The following ZFYVE9 variants were observed in gnomAD, a reference collection of about 807,000 sequenced individuals.
ZFYVE9 encodes the protein zinc finger FYVE-type containing 9, also known as zinc finger FYVE domain-containing protein 9.
In ZFYVE9, 43 loss-of-function variants were observed where a neutral mutation model predicts 126.7. That is an observed-to-expected ratio of 0.34 (90% CI 0.27 to 0.44). ZFYVE9 has a LOEUF of 0.44. ZFYVE9 is among the 20% of genes least tolerant of loss of function. The pLI is 1.00. For missense variants in ZFYVE9, 1,476 were observed against 1,697.0 expected (o/e 0.87, Z 2.29); for synonymous variants, 521 against 597.4 (o/e 0.87, Z 1.87).
intron 7 of ZFYVE9, among the ~76,000 whole-genome samples, chr1:52,272,612 G>A (rs1645703391): frequency 6.6e-6 from 1 of 151,324 alleles, no homozygotes; most frequent in Non-Finnish European, 1.5e-5. Context: ...CCTGTTAGTG[G>A]CCATTCAAAT....
At position 52,274,723 on chromosome 1, in the gene ZFYVE9, G is replaced by A. The variant is rs554652536; in HGVS notation, c.2746+139G>A. 24 of 914,980 alleles carry A rather than the reference G, an allele frequency of 2.6e-5. No individual in the cohort carries two copies. In the African/African-American group the frequency reaches 3.9e-4, roughly 15 times the overall value. 56.7% of individuals were successfully genotyped at this position (914,980 alleles called of 1,614,324 possible). ...CAAACTCCCCCAAAACTATGAAAAT[G>A]GTTGTTGCTGTTATTATTTTAGAGT... On this transcript the variant is annotated intron_variant, in intron 8 of 18. Transcript: ENST00000287727.
intron 13 of ZFYVE9, among the ~76,000 whole-genome samples, chr1:52,314,784 C>CT (rs769744912): frequency 2.6e-5 from 4 of 151,940 alleles, no homozygotes; most frequent in Non-Finnish European, 5.9e-5. Context: ...TGCACTCCAA[C>CT]TTGGACTACA....
chr1:52,318,378 G>A (rs1430707093), intron 13 of ZFYVE9, among the ~76,000 whole-genome samples: 1 of 20,702 alleles, frequency 4.8e-5, no homozygotes, highest in African/African-American at 5.2e-5. Context: ...GTATGTGTGT[G>A]TGTGTGTGTG....
At chr1:52,262,184 T>G (rs1645586203) in intron 4 of ZFYVE9, among the ~76,000 whole-genome samples, 1 of 152,218 alleles carries the variant, frequency 6.6e-6, no homozygotes. Context: ...TCACTCTAAC[T>G]TCACAGGGCA....
intron 13 of ZFYVE9, among the ~76,000 whole-genome samples, chr1:52,322,418 C>T (rs1235160819): frequency 1.0e-4 from 14 of 139,558 alleles, no homozygotes; most frequent in East Asian, 4.2e-4. Context: ...CTCGCTGTGT[C>T]GCCCAGTGGA....
At chr1:52,195,652 CTCT>C (rs1333777585) in intron 1 of ZFYVE9, among the ~76,000 whole-genome samples, 1 of 135,674 alleles carries the variant, frequency 7.4e-6, no homozygotes, top group African/African-American at 2.6e-5. Flanking sequence ...ATTATTCCCT[CTCT>C]TCTTTTCTGC....
At chr1:52,343,901 A>G (rs1387726287) in intron 17 of ZFYVE9, among the ~76,000 whole-genome samples, 1 of 152,062 alleles carries the variant, frequency 6.6e-6, no homozygotes, top group Non-Finnish European at 1.5e-5. Flanking sequence ...GTGAAACCCC[A>G]TCTCTACTAA....
At position 52,274,446 on chromosome 1, in the gene ZFYVE9, T is replaced by G; in HGVS notation, c.2626-18T>G. The G allele has an allele frequency of 6.3e-7, 1 of 1,592,848 alleles. No homozygotes were observed. The highest frequency in any genetic ancestry group is 8.6e-7 in the Non-Finnish European group (1 of 1,165,516). On this transcript the variant is annotated intron_variant, in intron 7 of 18. Transcript: ENST00000287727. The stretch of plus-strand genomic sequence containing the variant: ...TGAATTCTCTGTAGTGCTCACTTTG[T>G]TGATTTGCTTTTCCTAGACGGATAT...
At chr1:52,295,075 G>A (rs1645959765) in intron 11 of ZFYVE9, among the ~76,000 whole-genome samples, 1 of 152,112 alleles carries the variant, frequency 6.6e-6, no homozygotes, top group African/African-American at 2.4e-5. Flanking sequence ...GGGTATGGTG[G>A]CGCATGCCTG....
At chr1:52,219,934 C>T (rs1050466621) in intron 2 of ZFYVE9, among the ~76,000 whole-genome samples, 15 of 151,958 alleles carry the variant, frequency 9.9e-5, no homozygotes, top group African/African-American at 1.2e-4. Context: ...CCAGCCACCA[C>T]GCCCGGCTAA....
chr1:52,223,724 C>A (rs1197145650), intron 2 of ZFYVE9, among the ~76,000 whole-genome samples: 1 of 152,050 alleles, frequency 6.6e-6, no homozygotes, highest in African/African-American at 2.4e-5. Flanking sequence ...AGCTGATTCC[C>A]AAATCCCTTT....
rs1397643383 is a variant in ZFYVE9, at chr1:52,288,919, C to CT, written c.3026-4533dup. Among the ~76,000 whole-genome samples the CT allele has an allele frequency of 5.4e-5, 6 of 111,646 alleles. No individual in the cohort carries two copies. The Admixed American group carries it at 6.7e-4, about 12-fold the overall frequency. The allele number at this position is 111,646 out of a possible 152,430, so 73.2% of individuals were successfully genotyped here. On this transcript the variant is annotated intron_variant, in intron 10 of 18. Transcript: ENST00000287727. ...CCAGCCTGGGTGACAGAGCGAGACT[C>CT]TGTCTCAAAAAAAAAAAAAAAAAAA...
At chr1:52,183,008 TTAGG>T (rs1173840660) in intron 1 of ZFYVE9, among the ~76,000 whole-genome samples, 1 of 152,130 alleles carries the variant, frequency 6.6e-6, no homozygotes. Context: ...ATTGATGACC[TTAGG>T]TAGAGCAGTT....
chr1:52,297,754 G>C (rs774084342), intron 12 of ZFYVE9, among the ~76,000 whole-genome samples: 1 of 150,834 alleles, frequency 6.6e-6, no homozygotes, highest in Non-Finnish European at 1.5e-5. Flanking sequence ...ACAGAGTCTC[G>C]CACTGTCGCC....
chr1:52,262,707 A>G (rs913845490), intron 4 of ZFYVE9, among the ~76,000 whole-genome samples: 6 of 152,170 alleles, frequency 3.9e-5, no homozygotes, highest in African/African-American at 1.4e-4. Flanking sequence ...GAAGAAGTAG[A>G]ATTTATCCTA....
At chr1:52,339,880 G>A (rs913646757) in intron 16 of ZFYVE9, among the ~76,000 whole-genome samples, 2 of 152,122 alleles carry the variant, frequency 1.3e-5, no homozygotes, top group African/African-American at 4.8e-5. Flanking sequence ...ACTAGCTCCT[G>A]GAAAAATGAT....
intron 5 of ZFYVE9, among the ~76,000 whole-genome samples, chr1:52,265,200 C>T (rs1645619679): frequency 6.6e-6 from 1 of 152,124 alleles, no homozygotes; most frequent in Non-Finnish European, 1.5e-5. Flanking sequence ...AGTGTCTTTC[C>T]TCTCGCATGG....
At chr1:52,266,048 T>A (rs1645629762) in intron 5 of ZFYVE9, among the ~76,000 whole-genome samples, 1 of 152,210 alleles carries the variant, frequency 6.6e-6, no homozygotes, top group Admixed American at 6.5e-5. Context: ...CTCCAACCTT[T>A]AACTCAGATT....
At chr1:52,149,155 G>A (rs529707981) in intron 1 of ZFYVE9, among the ~76,000 whole-genome samples, 28 of 150,834 alleles carry the variant, frequency 1.9e-4, no homozygotes, top group Admixed American at 6.6e-4. Context: ...GTAGAGATGG[G>A]GTTTTGCCGT....
Sources: gnomAD v4.1 joint callset for allele counts (sites outside exome capture counted in the v4.1 genomes callset) on GRCh38, gnomAD v4.1.1 for gene constraint, MANE v1.5 for transcripts, NCBI Gene and HGNC (gene_info 2026-07-23, HGNC 2026-07-21) for gene names.